Variants in PRCC observed in about 807,000 individuals in gnomAD.
PRCC encodes the protein proline-rich protein PRCC.
In PRCC, 10 loss-of-function variants were observed where a neutral mutation model predicts 44.0. That is an observed-to-expected ratio of 0.23 (90% CI 0.14 to 0.39). PRCC has a LOEUF of 0.39. PRCC is among the 10% of genes least tolerant of loss of function. PRCC has a pLI of 1.00. For synonymous variants in PRCC, 278 were observed against 259.5 expected, an observed-to-expected ratio of 1.07 and a Z score of -0.69; for missense variants, 573 against 624.7, an observed-to-expected ratio of 0.92 and a Z score of 0.88.
intron 1 of PRCC, among the ~76,000 whole-genome samples, chr1:156,772,120 A>T (rs1167948000): frequency 6.6e-6 from 1 of 152,142 alleles, no homozygotes; most frequent in African/African-American, 2.4e-5. Flanking sequence ...CAGCCTCCCA[A>T]AGTGCTGGGA....
At chr1:156,787,458 TATATATATA>T (rs1652302799) in intron 3 of PRCC, among the ~76,000 whole-genome samples, 2 of 1,500 alleles carry the variant, frequency 1.3e-3, no homozygotes, top group Non-Finnish European at 5.8e-3. Context: ...TTGATATATA[TATATATATA>T]TATATATATA....
At chr1:156,783,469 C>G (rs1405604433) in intron 2 of PRCC, among the ~76,000 whole-genome samples, 1 of 152,086 alleles carries the variant, frequency 6.6e-6, no homozygotes, top group Non-Finnish European at 1.5e-5. Flanking sequence ...GCTGTCTTGC[C>G]TGGCACGGTG....
intron 1 of PRCC, among the ~76,000 whole-genome samples, chr1:156,775,545 C>G (rs1229113925): frequency 6.7e-6 from 1 of 148,998 alleles, no homozygotes. Context: ...GAGTCTCGCT[C>G]TGTCGCCCAG....
At chr1:156,772,377 C>T (rs1264288465) in intron 1 of PRCC, among the ~76,000 whole-genome samples, 1 of 152,170 alleles carries the variant, frequency 6.6e-6, no homozygotes, top group East Asian at 1.9e-4. Flanking sequence ...CAAATTCTCC[C>T]TCCAGGCGTA....
intron 1 of PRCC, among the ~76,000 whole-genome samples, chr1:156,781,583 A>G (rs931297461): frequency 4.6e-5 from 7 of 152,178 alleles, no homozygotes; most frequent in Middle Eastern, 3.2e-3. Flanking sequence ...AAGTTTAGCT[A>G]TTTTTCAGCA....
At chr1:156,776,237 G>A (rs1016501548) in intron 1 of PRCC, among the ~76,000 whole-genome samples, 3 of 152,190 alleles carry the variant, frequency 2.0e-5, no homozygotes, top group African/African-American at 7.2e-5. Flanking sequence ...AGCATGGTGG[G>A]CAAGTGCCTG....
intron 1 of PRCC, among the ~76,000 whole-genome samples, chr1:156,770,265 AGT>A (rs1385249305): frequency 6.6e-6 from 1 of 152,236 alleles, no homozygotes; most frequent in Non-Finnish European, 1.5e-5. Context: ...TTGCTGGTTG[AGT>A]TTCCCATTTT....
Position 156,800,525 on chromosome 1 carries a change from C to T in PRCC, c.*65C>T, listed in dbSNP as rs1490571746. Reference sequence around the variant, plus strand: ...CAGCTGGCCTGGCCCCCAGCTTCACCTCTGGGACCCCAGCTGCTCTAAGCC... The same window carrying T: ...CAGCTGGCCTGGCCCCCAGCTTCACTTCTGGGACCCCAGCTGCTCTAAGCC... On this transcript the variant is annotated 3_prime_UTR_variant, in exon 7 of 7. Coordinates refer to ENST00000271526, the MANE Select transcript of PRCC (RefSeq NM_005973.5). 5.9e-6 allele frequency: 9 copies of T among 1,520,180 alleles called. No individual in the cohort carries two copies. Among genetic ancestry groups the T allele is most frequent in the Non-Finnish European group, 6.4e-6 (7 of 1,095,638 alleles). The allele number at this position is 1,520,180 out of a possible 1,614,324, so 94.2% of individuals were successfully genotyped here.
intron 1 of PRCC, among the ~76,000 whole-genome samples, chr1:156,773,871 T>C (rs1369275069): frequency 1.3e-5 from 2 of 152,136 alleles, no homozygotes; most frequent in Non-Finnish European, 2.9e-5. Context: ...CACAAATGAA[T>C]AGGTAAAATG....
chr1:156,781,216 G>A (rs1277395621), intron 1 of PRCC, among the ~76,000 whole-genome samples: 3 of 152,176 alleles, frequency 2.0e-5, no homozygotes, highest in Admixed American at 2.0e-4. Flanking sequence ...TGGGACACTG[G>A]TTAGGAAATG....
At chr1:156,781,333 G>C (rs1236828840) in intron 1 of PRCC, among the ~76,000 whole-genome samples, 1 of 152,208 alleles carries the variant, frequency 6.6e-6, no homozygotes, top group Non-Finnish European at 1.5e-5. Flanking sequence ...ATGAGAGCGA[G>C]TATAGAACAG....
At chr1:156,768,287 C>G in intron 1 of PRCC, 48 bp downstream of exon 1, 6 of 1,515,638 alleles carry the variant, frequency 4.0e-6, no homozygotes, top group Non-Finnish European at 4.4e-6. Flanking sequence ...GGGTTTGAGT[C>G]GGCTGTAGGA....
At chr1:156,779,421 T>C (rs999524918) in intron 1 of PRCC, among the ~76,000 whole-genome samples, 3 of 151,988 alleles carry the variant, frequency 2.0e-5, no homozygotes, top group Non-Finnish European at 4.4e-5. Flanking sequence ...TGGAGTGTAG[T>C]GGCGCAAGCT....
Position 156,768,137 on chromosome 1 carries a change from G to A in PRCC, c.366G>A (p.Leu122=). 1.3e-6 allele frequency: 2 copies of A among 1,565,812 alleles called. No homozygotes were observed. The highest frequency in any genetic ancestry group is 1.7e-6 in the Non-Finnish European group (2 of 1,155,204). The change falls in exon 1 of 7, where the codon CTG becomes CTA. Residue 122 remains leucine (L), a synonymous_variant. Coordinates refer to ENST00000271526, the MANE Select transcript of PRCC (RefSeq NM_005973.5). ...CGCCCCGAGGCCCTGGCCTCAATCT[G>A]CCCCCTCCAATTGGCGGTGCCGGTC... ...LPSPRGPGLN[L]PPPIGGAGPP... is the part of the protein sequence containing the mutation.
At chr1:156,793,801 AT>A (rs960666379) in intron 4 of PRCC, among the ~76,000 whole-genome samples, 1 of 150,442 alleles carries the variant, frequency 6.6e-6, no homozygotes, top group Non-Finnish European at 1.5e-5. Context: ...TAATTTTTTA[AT>A]TTTTTTATAG....
intron 2 of PRCC, among the ~76,000 whole-genome samples, chr1:156,784,468 G>A (rs1402496413): frequency 6.6e-6 from 1 of 152,192 alleles, no homozygotes; most frequent in Non-Finnish European, 1.5e-5. Flanking sequence ...GCAGAGTGGG[G>A]ACTTAGGACT....
chr1:156,787,175 G>C lies in PRCC; in HGVS notation c.1083+1G>C. 1 of 1,594,976 alleles carries C rather than the reference G, an allele frequency of 6.3e-7. No individual in the cohort carries two copies. The highest frequency in any genetic ancestry group is 8.6e-7 in the Non-Finnish European group (1 of 1,166,514). ...CAATGCCGCTGGTGCTTATTATCAG[G>C]TGGGTAGGAGGCACAGAGGGCAGGC... On this transcript the variant is annotated splice_donor_variant, in intron 3 of 6. Transcript: ENST00000271526. LOFTEE classifies it high-confidence loss of function.
Position 156,787,035 on chromosome 1 carries a change from A to T in PRCC, c.944A>T (p.Asp315Val), listed in dbSNP as rs896261026. ...GTEPEPAFQD[D>V]AANAPLEFKM... ...GAACCAGAGCCGGCTTTCCAGGACG[A>T]TGCAGCCAATGCCCCCCTTGAATTC... Residue 315 changes from aspartate (D) to valine (V), a missense_variant, in exon 3 of 7, where the codon GAT becomes GTT. Around this residue, in one of 4 missense-constraint regions of PRCC, gnomAD observed 141 missense variants for 130.2 expected, o/e 1.08. Transcript: ENST00000271526. 3.6e-5 allele frequency: 58 copies of T among 1,614,110 alleles called. No homozygotes were observed. Among genetic ancestry groups the T allele is most frequent in the Non-Finnish European group, 4.7e-5 (55 of 1,180,046 alleles).
intron 1 of PRCC, among the ~76,000 whole-genome samples, chr1:156,775,214 C>G (rs961231482): frequency 1.3e-5 from 2 of 152,028 alleles, no homozygotes; most frequent in African/African-American, 2.4e-5. Context: ...CGCCACTGCA[C>G]TCCAGCCTGG....
Sources: allele counts gnomAD v4.1 joint callset (sites outside exome capture counted in the v4.1 genomes callset), GRCh38; gene constraint gnomAD v4.1.1; regional missense constraint gnomAD v4.1.1; transcripts MANE v1.5; gene names NCBI Gene and HGNC (gene_info 2026-07-23, HGNC 2026-07-21).